TBX15: variants seen among roughly 807,000 people sequenced by gnomAD.
TBX15 encodes the protein T-box transcription factor 15, also known as T-box transcription factor TBX15.
Under a neutral mutation model 53.9 loss-of-function variants are expected in TBX15, and 18 were observed. The ratio of observed to expected loss-of-function variants is 0.33; its 90% confidence interval spans 0.23 to 0.49. TBX15 has a LOEUF of 0.49. TBX15 is among the 20% of genes least tolerant of loss of function. The probability of loss-of-function intolerance (pLI) is 0.98; values close to 1 mark genes in which losing one functional copy is unlikely to be tolerated. For missense variants in TBX15, 692 were observed against 749.5 expected, an observed-to-expected ratio of 0.92 and a Z score of 0.90; for synonymous variants, 295 against 278.0, an observed-to-expected ratio of 1.06 and a Z score of -0.61.
chr1:118,987,493 C>T, intron 1 of TBX15, 98 bp downstream of exon 1: 3 of 1,344,784 alleles, frequency 2.2e-6, no homozygotes, highest in Non-Finnish European at 3.0e-6. Flanking sequence ...CAAGGCAGGG[C>T]GTCAATGGCA....
At chr1:118,962,794 T>C (rs1296674079) in intron 1 of TBX15, among the ~76,000 whole-genome samples, 1 of 152,182 alleles carries the variant, frequency 6.6e-6, no homozygotes, top group Non-Finnish European at 1.5e-5. Context: ...ACAATGATGA[T>C]CTTTGGAAAA....
intron 1 of TBX15, among the ~76,000 whole-genome samples, chr1:118,983,164 C>T (rs746509960): frequency 2.0e-5 from 3 of 152,130 alleles, no homozygotes; most frequent in African/African-American, 7.2e-5. Flanking sequence ...TTCTGAAGCG[C>T]GGGAACCTAG....
intron 1 of TBX15, among the ~76,000 whole-genome samples, chr1:118,932,999 C>T (rs1430855203): frequency 6.6e-6 from 1 of 152,060 alleles, no homozygotes; most frequent in Non-Finnish European, 1.5e-5. Context: ...TGATGAGTGA[C>T]TTTTCAATGG....
chr1:118,956,464 C>T (rs896223865), intron 1 of TBX15, among the ~76,000 whole-genome samples: 1 of 151,948 alleles, frequency 6.6e-6, no homozygotes, highest in South Asian at 2.1e-4. Flanking sequence ...AAAATATAAA[C>T]AATTTGTGAA....
In TBX15 at chr1:118,890,624, C is replaced by T. The variant is rs111548958; in HGVS notation, c.1025-5108G>A. Among the ~76,000 whole-genome samples, 1,077 of 152,242 alleles carry T rather than the reference C, an allele frequency of 7.1e-3. 5 individuals carry two copies. Among genetic ancestry groups the T allele is most frequent in the Non-Finnish European group, 0.012 (804 of 68,000 alleles). On this transcript the variant is annotated intron_variant, in intron 7 of 7. Coordinates refer to ENST00000369429, the MANE Select transcript of TBX15 (RefSeq NM_001330677.2). Reference sequence around the variant, plus strand: ...AGTAATTCCGTATGAGGACAATAACCTAGAATATACTTGTTTTTACCATAA... The same window carrying T: ...AGTAATTCCGTATGAGGACAATAACTTAGAATATACTTGTTTTTACCATAA...
At chr1:118,919,738 C>G (rs926401356) in intron 5 of TBX15, among the ~76,000 whole-genome samples, 1 of 152,134 alleles carries the variant, frequency 6.6e-6, no homozygotes, top group Non-Finnish European at 1.5e-5. Context: ...CAGAAATGTG[C>G]TTCAGAATTT....
chr1:118,918,844 C>T (rs1655332124), intron 5 of TBX15, among the ~76,000 whole-genome samples: 1 of 152,110 alleles, frequency 6.6e-6, no homozygotes, highest in Non-Finnish European at 1.5e-5. Flanking sequence ...CTTGAATATC[C>T]TGAGTATGGT....
intron 7 of TBX15, among the ~76,000 whole-genome samples, chr1:118,891,998 A>T (rs1380274991): frequency 6.6e-6 from 1 of 152,208 alleles, no homozygotes; most frequent in Non-Finnish European, 1.5e-5. Context: ...ATTAAGATAA[A>T]GCTGGAAGAG....
rs576037058 is a variant in TBX15 at position 118,978,024 on chromosome 1, G to A, written c.205+9567C>T. Among the ~76,000 whole-genome samples the A allele has an allele frequency of 6.0e-4, 92 of 152,282 alleles. No individual in the cohort carries two copies. In the South Asian group the frequency reaches 0.018, roughly 29 times the overall value. On this transcript the variant is annotated intron_variant, in intron 1 of 7. Transcript: ENST00000369429. ...AGTTTTTCCAGTTATTTCTGGGAAT[G>A]GCACAGAAAATGTTCAAAGCATAAA...
chr1:118,981,097 A>G (rs1432954689), intron 1 of TBX15, among the ~76,000 whole-genome samples: 1 of 152,066 alleles, frequency 6.6e-6, no homozygotes, highest in Non-Finnish European at 1.5e-5. Context: ...CGGCCTCCCA[A>G]AGTGCTGGGG....
chr1:118,979,429 T>C (rs1172979679), intron 1 of TBX15, among the ~76,000 whole-genome samples: 1 of 152,074 alleles, frequency 6.6e-6, no homozygotes, highest in African/African-American at 2.4e-5. Flanking sequence ...GATTTACCCA[T>C]TTGGAAATGG....
chr1:118,981,337 C>T (rs1484136261), intron 1 of TBX15, among the ~76,000 whole-genome samples: 1 of 147,090 alleles, frequency 6.8e-6, no homozygotes, highest in Non-Finnish European at 1.5e-5. Context: ...CACACACACA[C>T]ACAATGGCAG....
intron 6 of TBX15, 91 bp downstream of exon 6, chr1:118,914,024 T>C (rs1042584252): frequency 7.4e-7 from 1 of 1,357,316 alleles, no homozygotes; most frequent in African/African-American, 1.4e-5. Context: ...TACAGGTGTT[T>C]TCTAAAAGGC....
At chr1:118,986,703 G>A (rs1657848846) in intron 1 of TBX15, among the ~76,000 whole-genome samples, 1 of 152,184 alleles carries the variant, frequency 6.6e-6, no homozygotes, top group African/African-American at 2.4e-5. Context: ...TTCCAGCATG[G>A]TTTTAGAAGT....
chr1:118,944,350 C>T (rs1210182775), intron 1 of TBX15, among the ~76,000 whole-genome samples: 1 of 152,132 alleles, frequency 6.6e-6, no homozygotes, highest in African/African-American at 2.4e-5. Context: ...ATTTGGGAAT[C>T]GCAAAGTGAA....
At chr1:118,976,651 C>T (rs759613858) in intron 1 of TBX15, among the ~76,000 whole-genome samples, 90 of 152,332 alleles carry the variant, frequency 5.9e-4, no homozygotes, top group Non-Finnish European at 1.2e-3. Flanking sequence ...CCTCTTCCTA[C>T]TGTATGCCAG....
chr1:118,901,145 C>T (rs10157541), intron 6 of TBX15, among the ~76,000 whole-genome samples: 5,872 of 152,186 alleles, frequency 0.039, 366 homozygotes, highest in African/African-American at 0.13. Context: ...CTGCTATAAC[C>T]TACCATATGC....
chr1:118,952,824 G>C (rs552279827), intron 1 of TBX15, among the ~76,000 whole-genome samples: 6 of 152,128 alleles, frequency 3.9e-5, no homozygotes, highest in Non-Finnish European at 7.4e-5. Flanking sequence ...CAGAAATCAA[G>C]TATTTATTTT....
intron 1 of TBX15, among the ~76,000 whole-genome samples, chr1:118,983,478 C>G (rs896493508): frequency 1.3e-5 from 2 of 152,286 alleles, no homozygotes. Context: ...CCGATCAGTG[C>G]GCAGAAAAAG....
Sources: allele counts gnomAD v4.1 joint callset (sites outside exome capture counted in the v4.1 genomes callset), GRCh38; gene constraint gnomAD v4.1.1; transcripts MANE v1.5; gene names NCBI Gene and HGNC (gene_info 2026-07-23, HGNC 2026-07-21).